Variants in PI4K2A observed in about 807,000 individuals in gnomAD.
PI4K2A encodes phosphatidylinositol 4-kinase type 2-alpha.
PI4K2A carries 20 observed loss-of-function variants against 55.0 expected under a neutral mutation model. The ratio of observed to expected loss-of-function variants is 0.36; its 90% CI spans 0.26 to 0.53. The LOEUF is 0.53. PI4K2A is among the 20% of genes least tolerant of loss of function. PI4K2A has a pLI of 0.91. For synonymous variants in PI4K2A, 235 were observed against 258.5 expected (o/e 0.91, Z 0.87); for missense variants, 463 against 637.1 (o/e 0.73, Z 2.94).
intron 4 of PI4K2A, among the ~76,000 whole-genome samples, chr10:97,660,281 G>A (rs1206968547): frequency 2.8e-5 from 4 of 143,770 alleles, no homozygotes; most frequent in East Asian, 2.1e-4. Context: ...GATTACAGGC[G>A]TGAGCCACCG....
Position 97,645,513 on chromosome 10 carries a change from T to A in PI4K2A, c.435+4336T>A, listed in dbSNP as rs576294625. ...GTCCCAGCTACTCGGGAGGCTGAGG[T>A]AGGAGAATGGCGTGAACCCGGGAGG... is the stretch of plus-strand genomic sequence containing the variant. On this transcript the variant is annotated intron_variant, in intron 1 of 8. Transcript: ENST00000370631. 6.7e-3 allele frequency among the ~76,000 whole-genome samples: 978 copies of A among 146,528 alleles called. 10 individuals carry two copies. Among genetic ancestry groups the A allele is most frequent in the African/African-American group, 0.023 (920 of 39,466 alleles).
intron 8 of PI4K2A, among the ~76,000 whole-genome samples, chr10:97,672,725 C>T (rs11189319): frequency 0.25 from 21,333 of 84,040 alleles, 2,445 homozygotes; most frequent in South Asian, 0.45. Context: ...AGGGTCTGTT[C>T]TTTTTTTTTT....
exon 9 of PI4K2A, chr10:97,674,146 CAT>C (rs141122969): frequency 0.024 from 3,843 of 159,288 alleles, 122 homozygotes; most frequent in African/African-American, 0.086. Context: ...CGGGTCATCT[CAT>C]GTCAGAAACC....
chr10:97,668,882 T>C (rs1388259002), intron 8 of PI4K2A, among the ~76,000 whole-genome samples: 1 of 151,940 alleles, frequency 6.6e-6, no homozygotes, highest in Non-Finnish European at 1.5e-5. Context: ...TTTTTTTCTT[T>C]TGAGACAGAG....
At chr10:97,651,124 A>G (rs2041528293) in exon 2 of PI4K2A, 1 of 1,612,426 alleles carries the variant, frequency 6.2e-7, no homozygotes, top group Non-Finnish European at 8.5e-7. Context: ...GGAACTCAAC[A>G]TTGTTCCCCG....
intron 1 of PI4K2A, among the ~76,000 whole-genome samples, chr10:97,646,049 TTCA>T (rs2041503497): frequency 6.6e-6 from 1 of 152,088 alleles, no homozygotes; most frequent in Admixed American, 6.6e-5. Flanking sequence ...CAAAATTATT[TTCA>T]TCATAATTCT....
intron 6 of PI4K2A, among the ~76,000 whole-genome samples, chr10:97,665,504 C>A (rs949274149): frequency 6.6e-6 from 1 of 152,114 alleles, no homozygotes; most frequent in African/African-American, 2.4e-5. Context: ...GAACTCCTGA[C>A]TTCAGGTGAT....
chr10:97,672,559 A>C (rs991715666), intron 8 of PI4K2A, among the ~76,000 whole-genome samples: 6 of 151,922 alleles, frequency 3.9e-5, no homozygotes, highest in Non-Finnish European at 5.9e-5. Flanking sequence ...TCCCTGGTTA[A>C]ATTTCTATAT....
intron 2 of PI4K2A, among the ~76,000 whole-genome samples, chr10:97,653,917 A>AG (rs930099969): frequency 4.6e-5 from 2 of 43,184 alleles, no homozygotes; most frequent in African/African-American, 4.0e-4. Context: ...ACTCCGTCTC[A>AG]AAAAAAAAAA....
chr10:97,666,306 T>C, intron 6 of PI4K2A, 132 bp from the exon 7 acceptor site: 1 of 748,586 alleles, frequency 1.3e-6, no homozygotes, highest in Non-Finnish European at 2.2e-6. Flanking sequence ...TAAGAGCACT[T>C]GTAAGTTTTT....
intron 1 of PI4K2A, among the ~76,000 whole-genome samples, chr10:97,644,477 C>T (rs1463676798): frequency 6.6e-6 from 1 of 152,142 alleles, no homozygotes; most frequent in Admixed American, 6.5e-5. Context: ...TTCATTTACA[C>T]CTCATGTAAA....
In PI4K2A at chr10:97,666,580, T is replaced by TTCAA; in HGVS notation, c.1218+9_1218+10insTCAA. ...TATATGAACTCTTCAAGGTTAGCCC[T>TTCAA]GGGAACCTCAGCCCTATTATCATAT... On this transcript the variant is annotated intron_variant, in intron 7 of 8. Coordinates refer to ENST00000370631, the Ensembl canonical transcript of PI4K2A. 6.2e-7 allele frequency: 1 copy of TTCAA among 1,604,296 alleles called. No homozygotes were observed. The highest frequency in any genetic ancestry group is 2.2e-5 in the East Asian group (1 of 44,782).
chr10:97,642,859 CTT>C, intron 1 of PI4K2A, among the ~76,000 whole-genome samples: 1 of 23,814 alleles, frequency 4.2e-5, no homozygotes, highest in Non-Finnish European at 9.3e-5. Flanking sequence ...TCCTTTCTTT[CTT>C]TCTTTTTCTT....
At chr10:97,665,952 T>C (rs1167839149) in intron 6 of PI4K2A, among the ~76,000 whole-genome samples, 1 of 152,256 alleles carries the variant, frequency 6.6e-6, no homozygotes, top group Non-Finnish European at 1.5e-5. Context: ...AAATATCTTT[T>C]TTTTTCCTGT....
intron 8 of PI4K2A, among the ~76,000 whole-genome samples, chr10:97,672,145 C>CTCCTGCCTCCAAGT (rs2041638320): frequency 6.6e-6 from 1 of 150,650 alleles, no homozygotes; most frequent in Admixed American, 6.6e-5. Flanking sequence ...TGGGTTCAAG[C>CTCCTGCCTCCAAGT]GATTCTCCTG....
At chr10:97,643,565 A>C (rs889148612) in intron 1 of PI4K2A, among the ~76,000 whole-genome samples, 3 of 152,108 alleles carry the variant, frequency 2.0e-5, no homozygotes, top group African/African-American at 7.2e-5. Context: ...TTACTTGGTG[A>C]TTTAGGGATT....
intron 2 of PI4K2A, among the ~76,000 whole-genome samples, chr10:97,655,637 C>T (rs1037545441): frequency 4.6e-5 from 7 of 151,958 alleles, no homozygotes; most frequent in East Asian, 1.9e-4. Context: ...TGCAGTGGTG[C>T]GATCTTGGCT....
exon 9 of PI4K2A, chr10:97,673,705 G>C: frequency 6.2e-7 from 1 of 1,614,152 alleles, no homozygotes; most frequent in East Asian, 2.2e-5. Flanking sequence ...TACACACAGA[G>C]CTTTCAGAGC....
intron 6 of PI4K2A, among the ~76,000 whole-genome samples, chr10:97,665,579 CTATTTATTTTTTATT>C (rs1454464796): frequency 1.4e-4 from 20 of 145,372 alleles, no homozygotes; most frequent in Middle Eastern, 4.6e-3. Flanking sequence ...TGGCTGAGGG[CTATTTATTTTTTATT>C]TATTTATTTT....
Sources: allele counts gnomAD v4.1 joint callset (sites outside exome capture counted in the v4.1 genomes callset), GRCh38; gene constraint gnomAD v4.1.1; transcripts MANE v1.5; gene names NCBI Gene and HGNC (gene_info 2026-07-23, HGNC 2026-07-21).